The following DPP6 variants were observed in gnomAD, a reference collection of about 807,000 sequenced individuals.
The protein encoded by DPP6 is dipeptidyl peptidase like 6.
DPP6 carries 69 observed loss-of-function variants against 122.6 expected under a neutral mutation model. The observed-to-expected ratio is 0.56, with a 90% CI of 0.46 to 0.69. The LOEUF is 0.69. DPP6 is among the 30% of genes least tolerant of loss of function. The pLI, the probability that DPP6 is intolerant of heterozygous loss-of-function variation, is 0.00. For synonymous variants in DPP6, 418 were observed against 433.1 expected (o/e 0.97, Z 0.43); for missense variants, 928 against 1,116.9 (o/e 0.83, Z 2.41).
chr7:154,848,774 C>T (rs1262997009), intron 16 of DPP6, among the ~76,000 whole-genome samples: 1 of 151,358 alleles, frequency 6.6e-6, no homozygotes, highest in East Asian at 2.0e-4. Context: ...TGTTTTCTTC[C>T]AGTAGTTTTA....
At chr7:154,849,843 T>C (rs755867582) in intron 16 of DPP6, among the ~76,000 whole-genome samples, 2 of 152,218 alleles carry the variant, frequency 1.3e-5, no homozygotes, top group Non-Finnish European at 2.9e-5. Context: ...ATTCCTTCTA[T>C]ACCTACTTGT....
At chr7:153,867,928 G>A in the DPP6 span, among the ~76,000 whole-genome samples, 1 of 152,082 alleles carries the variant, frequency 6.6e-6, no homozygotes, top group Non-Finnish European at 1.5e-5. Context: ...TTTGTCTTTG[G>A]TTCTGTTTAT....
At chr7:154,113,861 G>A (rs1185506218) in intron 1 of DPP6, among the ~76,000 whole-genome samples, 2 of 151,602 alleles carry the variant, frequency 1.3e-5, no homozygotes, top group Non-Finnish European at 2.9e-5. Context: ...ATGTATTATT[G>A]GCACTAACTA....
the DPP6 span, among the ~76,000 whole-genome samples, chr7:153,872,800 C>T: frequency 6.0e-4 from 92 of 152,282 alleles, no homozygotes; most frequent in East Asian, 0.014. Context: ...TATACCTGTA[C>T]TGTCTCTCTA....
intron 3 of DPP6, among the ~76,000 whole-genome samples, chr7:154,497,383 G>A (rs1023954254): frequency 2.0e-5 from 3 of 152,106 alleles, no homozygotes; most frequent in African/African-American, 7.2e-5. Flanking sequence ...CCAGTTGGTT[G>A]GATCACTTGA....
chr7:154,314,564 G>A (rs961576246), intron 1 of DPP6, among the ~76,000 whole-genome samples: 3 of 152,208 alleles, frequency 2.0e-5, no homozygotes, highest in African/African-American at 4.8e-5. Flanking sequence ...GGTGGTGAAC[G>A]TGCTGGCTTA....
chr7:154,578,507 TTGGCAGGGGCTATTCG>T (rs1831833803), intron 5 of DPP6, among the ~76,000 whole-genome samples: 1 of 1,754 alleles, frequency 5.7e-4, no homozygotes, highest in African/African-American at 1.8e-3. Flanking sequence ...CTATTCGGGC[TTGGCAGGGGCTATTCG>T]GGCTTGGCAG....
At chr7:154,521,522 TG>T (rs1316164346) in intron 3 of DPP6, among the ~76,000 whole-genome samples, 5 of 152,126 alleles carry the variant, frequency 3.3e-5, no homozygotes, top group African/African-American at 1.2e-4. Context: ...TAGAAAATAA[TG>T]GAAATGTAAA....
rs1447068413 is a variant in DPP6 at position 154,600,951 on chromosome 7, C to T, written c.627+34035C>T. ...TACTAAAAATACAAAATTTGCCAGG[C>T]GTGGTGGTACATGCCTGTAATCCCA... On this transcript the variant is annotated intron_variant, in intron 5 of 25. Coordinates refer to ENST00000377770, the MANE Select transcript of DPP6 (RefSeq NM_130797.4). 4.2e-5 allele frequency among the ~76,000 whole-genome samples: 5 copies of T among 119,134 alleles called. 1 individual carries two copies. Among genetic ancestry groups the T allele is most frequent in the Admixed American group, 9.4e-5 (1 of 10,592 alleles). The allele number at this position is 119,134 out of a possible 152,430, so 78.2% of individuals were successfully genotyped here.
intron 20 of DPP6, 117 bp from the exon 21 acceptor site, chr7:154,880,771 T>C (rs1805323513): frequency 6.4e-7 from 1 of 1,559,816 alleles, no homozygotes; most frequent in Non-Finnish European, 8.8e-7. Flanking sequence ...GGTTGCTTTT[T>C]ATTTGAAGAG....
chr7:153,865,346 T>C, the DPP6 span, among the ~76,000 whole-genome samples: 1 of 152,138 alleles, frequency 6.6e-6, no homozygotes, highest in East Asian at 1.9e-4. Flanking sequence ...TTGGGATTTA[T>C]TTTTTAGATT....
chr7:154,216,470 G>C (rs1257210594), intron 1 of DPP6, among the ~76,000 whole-genome samples: 1 of 152,164 alleles, frequency 6.6e-6, no homozygotes, highest in South Asian at 2.1e-4. Context: ...CTCATGCTTG[G>C]TCCAAGGACT....
intron 7 of DPP6, among the ~76,000 whole-genome samples, chr7:154,710,114 C>A (rs1841088273): frequency 6.6e-6 from 1 of 152,224 alleles, no homozygotes; most frequent in Admixed American, 6.5e-5. Context: ...TCTCCCCCAG[C>A]ACTGCTGCCA....
At chr7:154,884,344 A>G (rs1563325089) in intron 21 of DPP6, 1 of 147,248 alleles carries the variant, frequency 6.8e-6, no homozygotes. Context: ...ACATACGCCT[A>G]CTCACACACA....
intron 1 of DPP6, among the ~76,000 whole-genome samples, chr7:154,310,901 T>A (rs2150997405): frequency 6.6e-6 from 1 of 152,344 alleles, no homozygotes; most frequent in African/African-American, 2.4e-5. Flanking sequence ...TGTTTGGCAC[T>A]CACTGATCTA....
chr7:154,752,688 G>A (rs770485510), intron 8 of DPP6, among the ~76,000 whole-genome samples: 4 of 152,188 alleles, frequency 2.6e-5, no homozygotes, highest in African/African-American at 7.2e-5. Context: ...ACCGCAGGAG[G>A]CTGTAGCTCT....
chr7:153,896,994 A>G (rs551259988), intron 1 of DPP6, among the ~76,000 whole-genome samples: 5 of 151,902 alleles, frequency 3.3e-5, no homozygotes, highest in African/African-American at 4.8e-5. Flanking sequence ...TTGTGCATCT[A>G]TTTTTTTAAG....
chr7:154,059,943 A>C (rs1284981349), intron 1 of DPP6, among the ~76,000 whole-genome samples: 1 of 151,982 alleles, frequency 6.6e-6, no homozygotes, highest in African/African-American at 2.4e-5. Context: ...CTGAACATAA[A>C]GGGCCCCCAT....
At chr7:154,433,355 G>T (rs1451209153) in intron 1 of DPP6, among the ~76,000 whole-genome samples, 1 of 150,508 alleles carries the variant, frequency 6.6e-6, no homozygotes, top group African/African-American at 2.5e-5. Flanking sequence ...TTTTAGTAGA[G>T]ATGGGGTTTC....
Sources: gnomAD v4.1 joint callset for allele counts (sites outside exome capture counted in the v4.1 genomes callset) on GRCh38, gnomAD v4.1.1 for gene constraint, MANE v1.5 for transcripts, NCBI Gene and HGNC (gene_info 2026-07-23, HGNC 2026-07-21) for gene names.